The following SPIRE1 variants were observed in gnomAD, a reference collection of about 807,000 sequenced individuals.
The protein encoded by SPIRE1 is protein spire homolog 1.
In SPIRE1, 40 loss-of-function variants were observed where a neutral mutation model predicts 94.1. The observed-to-expected ratio is 0.43, with a 90% CI of 0.33 to 0.55. The LOEUF (loss-of-function observed/expected upper bound fraction) is 0.55, where lower values mean the gene tolerates loss of function less well. Ranked by LOEUF, SPIRE1 falls within the 20% of genes least tolerant of loss-of-function variation. SPIRE1 has a pLI of 0.06. For missense variants in SPIRE1, 838 were observed against 975.2 expected, an observed-to-expected ratio of 0.86 and a Z score of 1.87; for synonymous variants, 376 against 371.7, an observed-to-expected ratio of 1.01 and a Z score of -0.13.
intron 2 of SPIRE1, among the ~76,000 whole-genome samples, chr18:12,615,542 C>CAAAAAAAAAAAAAAAAAAAAAAAA (rs71174108): frequency 3.0e-4 from 23 of 75,778 alleles, no homozygotes; most frequent in African/African-American, 8.6e-4. Context: ...TCTATCTCCA[C>CAAAAAAAAAAAAAAAAAAAAAAAA]AAAAAAAAAA....
intron 6 of SPIRE1, among the ~76,000 whole-genome samples, chr18:12,498,693 C>T (rs1655631190): frequency 6.6e-6 from 1 of 152,164 alleles, no homozygotes; most frequent in South Asian, 2.1e-4. Context: ...GTGGCGTGAT[C>T]ACAGCTCACT....
intron 7 of SPIRE1, among the ~76,000 whole-genome samples, chr18:12,494,665 T>TAA (rs71172090): frequency 5.8e-5 from 8 of 137,752 alleles, no homozygotes; most frequent in South Asian, 2.3e-4. Flanking sequence ...CCGTCTCTAC[T>TAA]AAAAAAAAAA....
At chr18:12,629,380 G>A (rs150552692) in intron 2 of SPIRE1, among the ~76,000 whole-genome samples, 19 of 152,260 alleles carry the variant, frequency 1.2e-4, no homozygotes, top group African/African-American at 4.6e-4. Context: ...TTTAAACAAT[G>A]GCAGTAGGAA....
chr18:12,630,121 T>C (rs1288602257), intron 2 of SPIRE1, among the ~76,000 whole-genome samples: 1 of 152,200 alleles, frequency 6.6e-6, no homozygotes, highest in African/African-American at 2.4e-5. Flanking sequence ...AACATGATTT[T>C]TATGTACTAC....
chr18:12,642,528 T>C (rs1431747486), intron 1 of SPIRE1, among the ~76,000 whole-genome samples: 1 of 152,232 alleles, frequency 6.6e-6, no homozygotes, highest in East Asian at 1.9e-4. Context: ...TTATCTTTTA[T>C]CTATTTTATG....
Position 12,507,223 on chromosome 18 carries a change from G to A in SPIRE1, c.808-582C>T, listed in dbSNP as rs2033866429. On this transcript the variant is annotated intron_variant, in intron 5 of 16. Coordinates refer to ENST00000409402, the MANE Select transcript of SPIRE1 (RefSeq NM_001128626.2). ...TGCTTTATGCGGCTGTGATTTTGTA[G>A]TGGTTAGTTACACGGTATTACTGTG... is the stretch of plus-strand genomic sequence containing the variant. Among the ~76,000 whole-genome samples, 3 of 152,222 alleles carry A rather than the reference G, an allele frequency of 2.0e-5. No individual in the cohort carries two copies. The South Asian group carries it at 6.2e-4, about 32-fold the overall frequency.
At chr18:12,558,878 C>G (rs1416498024) in intron 2 of SPIRE1, among the ~76,000 whole-genome samples, 1 of 151,328 alleles carries the variant, frequency 6.6e-6, no homozygotes, top group Non-Finnish European at 1.5e-5. Flanking sequence ...CCACAAACCC[C>G]GAGCTAGACA....
intron 12 of SPIRE1, among the ~76,000 whole-genome samples, chr18:12,460,883 T>C (rs1038079661): frequency 1.3e-5 from 2 of 152,216 alleles, no homozygotes; most frequent in Admixed American, 1.3e-4. Flanking sequence ...GGTATGATTT[T>C]ATGGATTTCC....
chr18:12,530,005 G>C (rs987476510), intron 4 of SPIRE1, among the ~76,000 whole-genome samples: 1 of 152,114 alleles, frequency 6.6e-6, no homozygotes, highest in Non-Finnish European at 1.5e-5. Context: ...CATCAATATA[G>C]TAGTAATGTC....
At chr18:12,630,004 A>C (rs2037732093) in intron 2 of SPIRE1, among the ~76,000 whole-genome samples, 1 of 152,192 alleles carries the variant, frequency 6.6e-6, no homozygotes, top group Admixed American at 6.5e-5. Flanking sequence ...AGTTAATCAA[A>C]TACCTATATG....
chr18:12,533,178 T>C (rs1045141312), intron 4 of SPIRE1, among the ~76,000 whole-genome samples: 1 of 152,170 alleles, frequency 6.6e-6, no homozygotes, highest in African/African-American at 2.4e-5. Flanking sequence ...ATGGAACTAA[T>C]GCCTATAAAG....
chr18:12,502,035 T>G (rs1220344446), intron 6 of SPIRE1, among the ~76,000 whole-genome samples: 1 of 152,202 alleles, frequency 6.6e-6, no homozygotes, highest in Non-Finnish European at 1.5e-5. Context: ...TTTTCCATTT[T>G]GGATGCACAG....
intron 6 of SPIRE1, among the ~76,000 whole-genome samples, chr18:12,497,099 C>T (rs193286381): frequency 2.6e-4 from 39 of 151,634 alleles, no homozygotes; most frequent in Admixed American, 1.4e-3. Context: ...CAAACAACAA[C>T]AAAAAAACCC....
chr18:12,579,109 C>A, intron 2 of SPIRE1, among the ~76,000 whole-genome samples: 1 of 147,178 alleles, frequency 6.8e-6, no homozygotes, highest in African/African-American at 2.5e-5. Context: ...GAAAAAAAAC[C>A]CAAAAACCAT....
chr18:12,503,571 C>T (rs534189502), intron 6 of SPIRE1, among the ~76,000 whole-genome samples: 4 of 152,264 alleles, frequency 2.6e-5, no homozygotes, highest in South Asian at 2.1e-4. Context: ...TCTCATGTGT[C>T]AGATCCCATT....
chr18:12,555,684 G>A (rs1291918491), intron 2 of SPIRE1, among the ~76,000 whole-genome samples: 1 of 152,030 alleles, frequency 6.6e-6, no homozygotes, highest in Non-Finnish European at 1.5e-5. Context: ...ACAATAAAAG[G>A]CATATATGAG....
chr18:12,550,664 C>T (rs1228289923), intron 2 of SPIRE1, among the ~76,000 whole-genome samples: 1 of 151,972 alleles, frequency 6.6e-6, no homozygotes, highest in African/African-American at 2.4e-5. Context: ...CTGTAATGCG[C>T]CCATCTCTCC....
chr18:12,568,815 G>A (rs2035880991), intron 2 of SPIRE1, among the ~76,000 whole-genome samples: 1 of 152,122 alleles, frequency 6.6e-6, no homozygotes, highest in South Asian at 2.1e-4. Context: ...TTTAAAGTTA[G>A]ATATGGAACT....
chr18:12,597,249 T>C (rs1409823613), intron 2 of SPIRE1, among the ~76,000 whole-genome samples: 1 of 150,868 alleles, frequency 6.6e-6, no homozygotes, highest in African/African-American at 2.4e-5. Context: ...CATTAATAGC[T>C]TATTTATAAC....
Sources: gnomAD v4.1 joint callset for allele counts (sites outside exome capture counted in the v4.1 genomes callset) on GRCh38, gnomAD v4.1.1 for gene constraint, MANE v1.5 for transcripts, NCBI Gene and HGNC (gene_info 2026-07-23, HGNC 2026-07-21) for gene names.